The following HPSE2 variants were observed in gnomAD, a reference collection of about 807,000 sequenced individuals.
HPSE2 encodes the protein heparanase 2 (inactive), also known as inactive heparanase-2.
A neutral mutation model predicts 60.5 loss-of-function variants in HPSE2; 38 were observed. The observed-to-expected ratio is 0.63, with a 90% CI of 0.48 to 0.82. The LOEUF (loss-of-function observed/expected upper bound fraction) is 0.82. Among genes scored for constraint, HPSE2 ranks in the 40% least tolerant of loss-of-function variants. The pLI is 0.00. For synonymous variants in HPSE2, 295 were observed against 293.2 expected, an observed-to-expected ratio of 1.01 and a Z score of -0.06; for missense variants, 713 against 740.4, an observed-to-expected ratio of 0.96 and a Z score of 0.43.
intron 3 of HPSE2, among the ~76,000 whole-genome samples, chr10:98,851,081 AGATTATTCCACATAGT>A (rs1255589098): frequency 3.9e-5 from 6 of 152,236 alleles, no homozygotes; most frequent in Non-Finnish European, 8.8e-5. Context: ...TGTATTTTTG[AGATTATTCCACATAGT>A]GATAGCATGG....
intron 5 of HPSE2, among the ~76,000 whole-genome samples, chr10:98,698,470 C>A (rs1948297598): frequency 6.6e-6 from 1 of 151,834 alleles, no homozygotes; most frequent in Admixed American, 6.6e-5. Context: ...ATACCAGAAT[C>A]TCTGGGACAC....
intron 3 of HPSE2, among the ~76,000 whole-genome samples, chr10:99,101,076 T>A (rs979137019): frequency 5.3e-5 from 8 of 152,098 alleles, no homozygotes; most frequent in African/African-American, 1.9e-4. Context: ...AGCAACTGCA[T>A]CAACTAACGA....
chr10:99,029,308 G>C (rs1272653590), intron 3 of HPSE2, among the ~76,000 whole-genome samples: 1 of 152,126 alleles, frequency 6.6e-6, no homozygotes, highest in African/African-American at 2.4e-5. Context: ...TCCATGCAGG[G>C]ACCAGCCCCA....
At chr10:99,121,863 A>G (rs2135713003) in intron 3 of HPSE2, among the ~76,000 whole-genome samples, 1 of 152,308 alleles carries the variant, frequency 6.6e-6, no homozygotes, top group East Asian at 1.9e-4. Flanking sequence ...ATGAAAAATT[A>G]GAGACAACCA....
chr10:99,174,410 T>A (rs1847442337), intron 2 of HPSE2, among the ~76,000 whole-genome samples: 1 of 152,212 alleles, frequency 6.6e-6, no homozygotes, highest in South Asian at 2.1e-4. Flanking sequence ...GCTCCTATCA[T>A]AGAGCTAACC....
At chr10:98,679,104 G>C (rs1215473026) in intron 6 of HPSE2, among the ~76,000 whole-genome samples, 3 of 152,156 alleles carry the variant, frequency 2.0e-5, no homozygotes, top group South Asian at 2.1e-4. Flanking sequence ...AAGTCTAAAA[G>C]TTGCTGATTC....
intron 3 of HPSE2, among the ~76,000 whole-genome samples, chr10:98,758,948 A>G (rs1271571360): frequency 3.3e-5 from 5 of 152,202 alleles, no homozygotes; most frequent in Non-Finnish European, 7.4e-5. Flanking sequence ...ATGCCCATCA[A>G]TGGTGGACTG....
At chr10:98,850,422 C>T (rs1952140989) in intron 3 of HPSE2, among the ~76,000 whole-genome samples, 1 of 152,054 alleles carries the variant, frequency 6.6e-6, no homozygotes, top group African/African-American at 2.4e-5. Flanking sequence ...AACTGAGATC[C>T]AGGTATTATA....
chr10:98,788,608 G>T (rs559859507), intron 3 of HPSE2, among the ~76,000 whole-genome samples: 13 of 152,188 alleles, frequency 8.5e-5, no homozygotes, highest in Non-Finnish European at 1.8e-4. Flanking sequence ...TTCCGTGGGC[G>T]TAGGACCCTC....
chr10:98,574,320 T>C (rs1305305846), intron 9 of HPSE2, among the ~76,000 whole-genome samples: 1 of 152,114 alleles, frequency 6.6e-6, no homozygotes, highest in Non-Finnish European at 1.5e-5. Context: ...TCTGGAAGAA[T>C]ATACATCAAA....
At chr10:98,901,327 G>T (rs928305894) in intron 3 of HPSE2, among the ~76,000 whole-genome samples, 19 of 152,182 alleles carry the variant, frequency 1.2e-4, no homozygotes, top group African/African-American at 4.6e-4. Flanking sequence ...TACAATTTGG[G>T]TACATTTTAT....
chr10:98,989,301 G>C (rs951151726), intron 3 of HPSE2, among the ~76,000 whole-genome samples: 1 of 152,102 alleles, frequency 6.6e-6, no homozygotes, highest in Non-Finnish European at 1.5e-5. Flanking sequence ...ATACACCATC[G>C]AATACTAGGC....
intron 3 of HPSE2, among the ~76,000 whole-genome samples, chr10:99,067,954 T>G (rs905672731): frequency 6.6e-6 from 1 of 152,186 alleles, no homozygotes; most frequent in African/African-American, 2.4e-5. Flanking sequence ...CCAGATACCC[T>G]AAATCATAAC....
In HPSE2 at chr10:98,842,365, T is replaced by C. The variant is rs116381045; in HGVS notation, c.611-98309A>G. 4.1e-3 allele frequency among the ~76,000 whole-genome samples: 619 copies of C among 152,310 alleles called. 2 individuals are homozygous for C. Among genetic ancestry groups the C allele is most frequent in the African/African-American group, 0.014 (573 of 41,570 alleles). On this transcript the variant is annotated intron_variant, in intron 3 of 11. Transcript: ENST00000370552. Reference sequence around the variant, plus strand: ...AGGCTCCAAGCTTGTCATGGCTACATGGTCTCTGCCACAAGTTACTATTAC... The same window carrying C: ...AGGCTCCAAGCTTGTCATGGCTACACGGTCTCTGCCACAAGTTACTATTAC...
At chr10:98,722,495 C>T (rs915481012) in intron 4 of HPSE2, among the ~76,000 whole-genome samples, 11 of 151,948 alleles carry the variant, frequency 7.2e-5, no homozygotes, top group Non-Finnish European at 1.6e-4. Flanking sequence ...TTGTTTTAAG[C>T]CACGAAATTT....
intron 3 of HPSE2, among the ~76,000 whole-genome samples, chr10:99,042,237 A>G (rs1466539898): frequency 6.6e-6 from 1 of 152,006 alleles, no homozygotes; most frequent in Admixed American, 6.6e-5. Flanking sequence ...CGTCCTATGG[A>G]GAAGAGGCCA....
At chr10:99,099,861 T>C (rs1490056153) in intron 3 of HPSE2, among the ~76,000 whole-genome samples, 1 of 152,162 alleles carries the variant, frequency 6.6e-6, no homozygotes, top group Non-Finnish European at 1.5e-5. Context: ...CAGCCTCCAC[T>C]GCTGATACCC....
chr10:98,916,611 C>T (rs989832486), intron 3 of HPSE2, among the ~76,000 whole-genome samples: 4 of 152,164 alleles, frequency 2.6e-5, no homozygotes, highest in African/African-American at 9.7e-5. Context: ...TTCATGTAGG[C>T]CTCTGGCTTG....
At chr10:98,486,092 A>C (rs1227762470) in intron 10 of HPSE2, among the ~76,000 whole-genome samples, 1 of 152,132 alleles carries the variant, frequency 6.6e-6, no homozygotes, top group East Asian at 1.9e-4. Flanking sequence ...TCAGGTAGGA[A>C]TTGGCATTAA....
Sources: allele counts gnomAD v4.1 joint callset (sites outside exome capture counted in the v4.1 genomes callset), GRCh38; gene constraint gnomAD v4.1.1; transcripts MANE v1.5; gene names NCBI Gene and HGNC (gene_info 2026-07-23, HGNC 2026-07-21).